The following PTPRS variants were observed in gnomAD, a reference collection of about 807,000 sequenced individuals.
The protein encoded by PTPRS is protein tyrosine phosphatase receptor type S.
A neutral mutation model predicts 215.3 loss-of-function variants in PTPRS; 63 were observed. The ratio of observed to expected loss-of-function variants is 0.29; its 90% CI spans 0.24 to 0.36. The LOEUF is 0.36. PTPRS is among the 10% of genes least tolerant of loss of function. The pLI, the probability that PTPRS is intolerant of heterozygous loss-of-function variation, is 1.00. For synonymous variants in PTPRS, 1,404 were observed against 1,191.4 expected (o/e 1.18, Z -3.68); for missense variants, 2,258 against 2,825.8 (o/e 0.80, Z 4.56).
At position 5,210,850 on chromosome 19, in the gene PTPRS, G is replaced by A. The variant is rs564591660; in HGVS notation, c.5235-45C>T. The A allele has an allele frequency of 2.7e-4, 438 of 1,594,628 alleles. No homozygotes were observed. Among genetic ancestry groups the A allele is most frequent in the Non-Finnish European group, 3.5e-4 (407 of 1,173,470 alleles). On this transcript the variant is annotated intron_variant, in intron 33 of 37. Coordinates refer to ENST00000262963, the MANE Select transcript of PTPRS (RefSeq NM_002850.4). The surrounding 1 kb of genome is among the most constrained non-coding windows in gnomAD (Gnocchi z 4.5). ...GAGCCCAGGGCCGGCAGGGAGACCC[G>A]GCGTGGTACTCACCTGATGCTGCCC...
chr19:5,284,707 G>T (rs943245577), intron 2 of PTPRS, among the ~76,000 whole-genome samples: 2 of 152,146 alleles, frequency 1.3e-5, no homozygotes, highest in Admixed American at 1.3e-4. Context: ...AGCACTTTGG[G>T]AGGCAGAGGC....
In PTPRS at chr19:5,220,876, G is replaced by T. The variant is rs912965475; in HGVS notation, c.3455+124C>A. 6.8e-5 allele frequency: 78 copies of T among 1,153,350 alleles called. 1 individual carries two copies. The highest frequency in any genetic ancestry group is 9.5e-5 in the Non-Finnish European group (77 of 812,862). 71.4% of individuals were successfully genotyped at this position (1,153,350 alleles called of 1,614,324 possible). Reference sequence around the variant, plus strand: ...AATCTTGGATGACCCCATGAACTAGGGCTGATAGGGTCTGTGTTTCATAGG... The same window carrying T: ...AATCTTGGATGACCCCATGAACTAGTGCTGATAGGGTCTGTGTTTCATAGG... On this transcript the variant is annotated intron_variant, in intron 20 of 37. Coordinates refer to ENST00000262963, the MANE Select transcript of PTPRS (RefSeq NM_002850.4).
intron 19 of PTPRS, among the ~76,000 whole-genome samples, 189 bp from the exon 20 acceptor site, chr19:5,221,442 C>T (rs536174827): frequency 1.2e-4 from 18 of 151,652 alleles, no homozygotes; most frequent in African/African-American, 4.4e-4. Flanking sequence ...CCCAACCTCA[C>T]TGAACCCTGA....
intron 13 of PTPRS, among the ~76,000 whole-genome samples, chr19:5,234,913 G>A (rs555378313): frequency 4.6e-5 from 7 of 152,054 alleles, no homozygotes; most frequent in East Asian, 1.9e-4. Flanking sequence ...AGGGCCTTAC[G>A]GAATGTTAAT....
At chr19:5,215,984 T>C (rs2041404281) in intron 26 of PTPRS, among the ~76,000 whole-genome samples, 2 of 152,032 alleles carry the variant, frequency 1.3e-5, no homozygotes, top group African/African-American at 4.8e-5. Context: ...GCACAGAAAT[T>C]AAATTGCAGA....
Position 5,238,905 on chromosome 19 carries a change from C to A in PTPRS, c.1849+14G>T, listed in dbSNP as rs199842454. 1 of 1,576,612 alleles carries A rather than the reference C, an allele frequency of 6.3e-7. No individual in the cohort carries two copies. On this transcript the variant is annotated intron_variant, in intron 13 of 37. Transcript: ENST00000262963. ...TCCCTCCCGCAGAGAAGGGCGGCCC[C>A]GCGAGACACCTACTGGACTGCAGCG...
intron 2 of PTPRS, among the ~76,000 whole-genome samples, chr19:5,283,484 C>T (rs1476730441): frequency 6.6e-6 from 1 of 151,462 alleles, no homozygotes; most frequent in Non-Finnish European, 1.5e-5. Context: ...GGCTGAGGCA[C>T]GAGAATCACT....
chr19:5,263,282 G>A (rs1309867609), intron 5 of PTPRS, among the ~76,000 whole-genome samples: 1 of 152,104 alleles, frequency 6.6e-6, no homozygotes, highest in Non-Finnish European at 1.5e-5. Flanking sequence ...CAGCCAGGCT[G>A]GGAGATAGGA....
At chr19:5,247,695 AG>A (rs1014173880) in intron 9 of PTPRS, among the ~76,000 whole-genome samples, 1 of 151,900 alleles carries the variant, frequency 6.6e-6, no homozygotes, top group African/African-American at 2.4e-5. Context: ...GGGTGGTCTC[AG>A]GGGGTCTGGT....
At position 5,245,873 on chromosome 19, in the gene PTPRS, C is replaced by T. The variant is rs756050216; in HGVS notation, c.891G>A (p.Val297=). The T allele has an allele frequency of 2.5e-6, 4 of 1,614,094 alleles. No individual in the cohort carries two copies. The highest frequency in any genetic ancestry group is 3.4e-6 in the Non-Finnish European group (4 of 1,180,010). The part of the protein sequence containing the change: ...PEDDMPVGRN[V]LELTDVKDSA... Reference sequence around the variant, plus strand: ...AGTCCTTGACATCTGTGAGTTCCAGCACGTTCCGACCCACGGGCATGTCAT... The same window carrying T: ...AGTCCTTGACATCTGTGAGTTCCAGTACGTTCCGACCCACGGGCATGTCAT... The change falls in exon 10 of 38, where the codon GTG becomes GTA. Residue 297 remains valine, a synonymous_variant. Transcript: ENST00000262963.
At chr19:5,263,021 G>A (rs993815105) in intron 5 of PTPRS, 49 bp from the exon 6 acceptor site, 101 of 1,517,414 alleles carry the variant, frequency 6.7e-5, no homozygotes, top group Non-Finnish European at 8.8e-5. Context: ...GAACGTTAAC[G>A]GGTGGTTACA....
rs890343220 is a variant in PTPRS, at chr19:5,235,584, G to A, written c.1849+3335C>T. Among the ~76,000 whole-genome samples, 14 of 152,294 alleles carry A rather than the reference G, an allele frequency of 9.2e-5. No homozygotes were observed. In the South Asian group the frequency reaches 2.5e-3, roughly 27 times the overall value. Reference sequence around the variant, plus strand: ...GAGCACTTACTGTATGTCAGCCATTGTGCCAAGAGGTTTGCAGAACAATAA... The same window carrying A: ...GAGCACTTACTGTATGTCAGCCATTATGCCAAGAGGTTTGCAGAACAATAA... On this transcript the variant is annotated intron_variant, in intron 13 of 37. Coordinates refer to ENST00000262963, the MANE Select transcript of PTPRS (RefSeq NM_002850.4).
chr19:5,269,286 G>A (rs2046700607), intron 4 of PTPRS, among the ~76,000 whole-genome samples: 1 of 152,124 alleles, frequency 6.6e-6, no homozygotes, highest in Non-Finnish European at 1.5e-5. Context: ...GGTGCAGGGG[G>A]AGGTCTCGGC....
At chr19:5,252,873 CAAAAAAAAAAAA>C (rs769636796) in intron 9 of PTPRS, among the ~76,000 whole-genome samples, 1 of 45,702 alleles carries the variant, frequency 2.2e-5, no homozygotes, top group African/African-American at 8.3e-5. Context: ...AACTCCATCT[CAAAAAAAAAAAA>C]AAAAAAAAAA....
At chr19:5,286,390 A>G (rs1198241346) in intron 1 of PTPRS, 156 bp from the exon 2 acceptor site, 12 of 532,336 alleles carry the variant, frequency 2.3e-5, no homozygotes. Flanking sequence ...GGATGGAATG[A>G]AAGTGCTGGG....
chr19:5,229,235 A>T, intron 16 of PTPRS, 81 bp downstream of exon 16: 1 of 1,296,562 alleles, frequency 7.7e-7, no homozygotes, highest in Non-Finnish European at 9.9e-7. Flanking sequence ...TACTGATGAT[A>T]AGGGGCGTGC....
intron 1 of PTPRS, among the ~76,000 whole-genome samples, chr19:5,303,821 T>G (rs920042415): frequency 7.9e-5 from 12 of 151,422 alleles, no homozygotes; most frequent in Admixed American, 2.0e-4. Flanking sequence ...TGTGGTGGTA[T>G]GCGCCTGTAA....
Position 5,272,595 on chromosome 19 carries a change from C to CAAAAAAAAAAAAAA in PTPRS, c.379+833_379+846dup, listed in dbSNP as rs10527451. On this transcript the variant is annotated intron_variant, in intron 4 of 37. Coordinates refer to ENST00000262963, the MANE Select transcript of PTPRS (RefSeq NM_002850.4). ...CCAGCGCAACAAAGCAAGACTGTCT[C>CAAAAAAAAAAAAAA]AAAAAAAAAAAAAAAAAAAAAAAAA... Among the ~76,000 whole-genome samples, 99 of 73,428 alleles carry CAAAAAAAAAAAAAA rather than the reference C, an allele frequency of 1.3e-3. 3 individuals are homozygous for CAAAAAAAAAAAAAA. The highest frequency in any genetic ancestry group is 2.2e-3 in the Non-Finnish European group (82 of 37,994). 48.2% of individuals were successfully genotyped at this position (73,428 alleles called of 152,430 possible).
intron 4 of PTPRS, among the ~76,000 whole-genome samples, chr19:5,266,975 C>G (rs538378216): frequency 6.6e-6 from 1 of 152,156 alleles, no homozygotes; most frequent in Non-Finnish European, 1.5e-5. Flanking sequence ...TCCTCTGCAG[C>G]AGGGAATTCT....
Sources: gnomAD v4.1 joint callset for allele counts (sites outside exome capture counted in the v4.1 genomes callset) on GRCh38, gnomAD v4.1.1 for gene constraint, Gnocchi (gnomAD v3.1) non-coding constraint, MANE v1.5 for transcripts, NCBI Gene and HGNC (gene_info 2026-07-23, HGNC 2026-07-21) for gene names.